ATP10A: variants seen among roughly 807,000 people sequenced by gnomAD.
ATP10A encodes phospholipid-transporting ATPase VA.
In ATP10A, 111 loss-of-function variants were observed where a neutral mutation model predicts 147.8. The observed-to-expected ratio is 0.75, with a 90% CI of 0.64 to 0.88. The LOEUF is 0.88. Ranked by LOEUF, ATP10A falls within the 40% of genes least tolerant of loss-of-function variation. ATP10A has a pLI of 0.00. For synonymous variants in ATP10A, 875 were observed against 841.6 expected (o/e 1.04, Z -0.69); for missense variants, 1,927 against 1,959.0 (o/e 0.98, Z 0.31).
At chr15:25,693,873 G>A (rs1051352002) in intron 14 of ATP10A, among the ~76,000 whole-genome samples, 5 of 152,232 alleles carry the variant, frequency 3.3e-5, no homozygotes, top group African/African-American at 9.6e-5. Flanking sequence ...GGTGCCCACT[G>A]TGAACAGGCA....
At chr15:25,776,334 G>A (rs530948197) in intron 2 of ATP10A, among the ~76,000 whole-genome samples, 3 of 152,180 alleles carry the variant, frequency 2.0e-5, no homozygotes, top group Admixed American at 6.5e-5. Flanking sequence ...CGGATGGGGT[G>A]GGGGAGGGGA....
intron 7 of ATP10A, among the ~76,000 whole-genome samples, chr15:25,719,275 A>G (rs1204447807): frequency 6.6e-6 from 1 of 152,204 alleles, no homozygotes; most frequent in Non-Finnish European, 1.5e-5. Context: ...CGCGTGGACC[A>G]CTGCGCATCT....
At chr15:25,722,684 AT>A (rs1249291932) in intron 6 of ATP10A, among the ~76,000 whole-genome samples, 11 of 152,184 alleles carry the variant, frequency 7.2e-5, no homozygotes, top group African/African-American at 2.2e-4. Flanking sequence ...TAGAAAACTA[AT>A]TTAGACAGTT....
intron 9 of ATP10A, among the ~76,000 whole-genome samples, chr15:25,715,833 G>C (rs1437966305): frequency 3.3e-5 from 5 of 152,184 alleles, no homozygotes; most frequent in African/African-American, 1.2e-4. Context: ...GCTGGGAAGG[G>C]ATCCTGGGAG....
At chr15:25,745,991 T>C (rs561898667) in intron 2 of ATP10A, among the ~76,000 whole-genome samples, 2 of 152,116 alleles carry the variant, frequency 1.3e-5, no homozygotes, top group South Asian at 4.2e-4. Flanking sequence ...CAAATAAAAA[T>C]AATAAATGGA....
chr15:25,802,416 C>T (rs1009365577), intron 1 of ATP10A, among the ~76,000 whole-genome samples: 2 of 125,074 alleles, frequency 1.6e-5, no homozygotes, highest in Admixed American at 1.5e-4. Context: ...CCAGACCTTG[C>T]GTGTTGTGTT....
chr15:25,691,197 T>G (rs1039159161), intron 15 of ATP10A, among the ~76,000 whole-genome samples: 1 of 152,178 alleles, frequency 6.6e-6, no homozygotes, highest in Non-Finnish European at 1.5e-5. Flanking sequence ...AAGCAGCACA[T>G]TTTTAGTTAA....
At chr15:25,751,709 C>A (rs562202418) in intron 2 of ATP10A, among the ~76,000 whole-genome samples, 1 of 151,988 alleles carries the variant, frequency 6.6e-6, no homozygotes, top group Non-Finnish European at 1.5e-5. Context: ...AGACAACCTG[C>A]GAATTGGGAG....
At position 25,734,930 on chromosome 15, in the gene ATP10A, G is replaced by A. The variant is rs1008327132; in HGVS notation, c.740+1126C>T. Among the ~76,000 whole-genome samples, 4 of 149,826 alleles carry A rather than the reference G, an allele frequency of 2.7e-5. No homozygotes were observed. In the East Asian group the frequency reaches 6.0e-4, roughly 22 times the overall value. On this transcript the variant is annotated intron_variant, in intron 3 of 20. Transcript: ENST00000555815. ...CAAAACAGAAGACTCAACCTACACC[G>A]AAAGCTCTTAGAAATGGGGCCACTT...
chr15:25,775,034 C>T (rs911268500), intron 2 of ATP10A, among the ~76,000 whole-genome samples: 2 of 152,104 alleles, frequency 1.3e-5, no homozygotes, highest in Non-Finnish European at 2.9e-5. Flanking sequence ...TAAAACTGAC[C>T]GATCTAATTA....
Position 25,821,729 on chromosome 15 carries a change from C to T in ATP10A, c.450-40506G>A, listed in dbSNP as rs141723652. ...CAGAAACATTGTAGTCTTTAGAAAT[C>T]ATATTTTTGCAGAATATTTCATGGC... is the stretch of plus-strand genomic sequence containing the variant. On this transcript the variant is annotated intron_variant, in intron 1 of 20. Coordinates refer to ENST00000555815, the MANE Select transcript of ATP10A (RefSeq NM_024490.4). Among the ~76,000 whole-genome samples, 291 of 152,330 alleles carry T rather than the reference C, an allele frequency of 1.9e-3. 3 individuals are homozygous for T. The highest frequency in any genetic ancestry group is 6.5e-3 in the African/African-American group (272 of 41,578).
chr15:25,686,807 G>A lies in ATP10A; in HGVS notation c.3291+896C>T, dbSNP rs1019833136. ...GGGCAGAACTCTGAGACGGCCATGT[G>A]GTCCATCCTGCAGGGCTATGGAGGA... On this transcript the variant is annotated intron_variant, in intron 16 of 20. Transcript: ENST00000555815. Among the ~76,000 whole-genome samples, 5 of 107,628 alleles carry A rather than the reference G, an allele frequency of 4.6e-5. 2 individuals carry two copies. The highest frequency in any genetic ancestry group is 8.4e-5 in the Non-Finnish European group (5 of 59,806). The allele number at this position is 107,628 out of a possible 152,430, so 70.6% of individuals were successfully genotyped here. A position where few individuals can be genotyped will look rare whatever the true frequency, so the allele number is the denominator to read the frequency against.
At chr15:25,739,624 A>G (rs1006912329) in intron 2 of ATP10A, among the ~76,000 whole-genome samples, 1 of 152,200 alleles carries the variant, frequency 6.6e-6, no homozygotes, top group Non-Finnish European at 1.5e-5. Context: ...CTGCCCACAC[A>G]TGCCAGCCTC....
intron 2 of ATP10A, among the ~76,000 whole-genome samples, chr15:25,773,452 C>G (rs754041744): frequency 2.0e-5 from 3 of 152,170 alleles, no homozygotes; most frequent in Admixed American, 6.5e-5. Context: ...ACACACAGCA[C>G]AGGGCCTCCA....
rs967917703 is a variant in ATP10A, at chr15:25,747,963, CT to C, written c.655-11823del. Reference sequence around the variant, plus strand: ...AGTCTATCTTATTTAGGCAAAAATTCTTTTTTTTTTTTCTTTTTTGAGACGG... The same window carrying C: ...AGTCTATCTTATTTAGGCAAAAATTCTTTTTTTTTTTCTTTTTTGAGACGG... On this transcript the variant is annotated intron_variant, in intron 2 of 20. Transcript: ENST00000555815. Among the ~76,000 whole-genome samples, 694 of 146,272 alleles carry C rather than the reference CT, an allele frequency of 4.7e-3. 3 individuals are homozygous for C. Among genetic ancestry groups the C allele is most frequent in the African/African-American group, 0.015 (587 of 40,216 alleles).
At chr15:25,690,243 A>G (rs1179467985) in intron 15 of ATP10A, among the ~76,000 whole-genome samples, 1 of 128,018 alleles carries the variant, frequency 7.8e-6, no homozygotes, top group African/African-American at 3.3e-5. Context: ...TTTTTTTTAA[A>G]AAAAAAAAAA....
chr15:25,814,873 G>A (rs1402656749), intron 1 of ATP10A, among the ~76,000 whole-genome samples: 2 of 152,184 alleles, frequency 1.3e-5, no homozygotes, highest in South Asian at 2.1e-4. Context: ...TGCAAAGCTT[G>A]TCACAGCCTG....
chr15:25,856,356 T>C (rs1893518877), intron 1 of ATP10A, among the ~76,000 whole-genome samples: 1 of 152,172 alleles, frequency 6.6e-6, no homozygotes, highest in African/African-American at 2.4e-5. Flanking sequence ...GTGCCTTCTG[T>C]CATTATTGTA....
At chr15:25,683,951 T>C (rs1899567269) in intron 16 of ATP10A, 1 of 167,448 alleles carries the variant, frequency 6.0e-6, no homozygotes, top group Non-Finnish European at 1.3e-5. Context: ...TCTTCTTTAG[T>C]GACCTGCATA....
Sources: gnomAD v4.1 joint callset for allele counts (sites outside exome capture counted in the v4.1 genomes callset) on GRCh38, gnomAD v4.1.1 for gene constraint, MANE v1.5 for transcripts, NCBI Gene and HGNC (gene_info 2026-07-23, HGNC 2026-07-21) for gene names.